Variants in RSPH14 observed in about 807,000 individuals in gnomAD.
The protein encoded by RSPH14 is radial spoke head 14 homolog, also known as rhabdoid tumor deletion region gene 1.
Under a neutral mutation model 26.7 loss-of-function variants are expected in RSPH14, and 20 were observed. The observed-to-expected ratio is 0.75, with a 90% CI of 0.53 to 1.09. The LOEUF is 1.09. Ranked by LOEUF, RSPH14 falls within the 50% of genes least tolerant of loss-of-function variation. The pLI is 0.00. For missense variants in RSPH14, 449 were observed against 457.2 expected (o/e 0.98, Z 0.16); for synonymous variants, 177 against 189.3 (o/e 0.93, Z 0.53).
At chr22:23,146,635 C>T, upstream of RSPH14, 2 of 1,614,118 alleles carry the variant, frequency 1.2e-6, no homozygotes, top group East Asian at 2.2e-5. Flanking sequence ...CTCCCTGACA[C>T]CTTTGGGGCC....
chr22:23,115,920 C>G (rs578103233), intron 4 of RSPH14, among the ~76,000 whole-genome samples: 19 of 152,366 alleles, frequency 1.2e-4, no homozygotes, highest in Admixed American at 9.1e-4. Flanking sequence ...CCCCCTACCC[C>G]CTGGGCCCTG....
chr22:23,125,587 G>A (rs773315692), intron 4 of RSPH14, among the ~76,000 whole-genome samples: 5 of 152,166 alleles, frequency 3.3e-5, no homozygotes, highest in Admixed American at 2.6e-4. Context: ...TGCATTCACC[G>A]AGGGCCTGCT....
chr22:23,124,522 T>C, intron 4 of RSPH14: 2 of 329,564 alleles, frequency 6.1e-6, no homozygotes, highest in South Asian at 4.5e-5. Flanking sequence ...TTTAAGAAAA[T>C]AAACACGACA....
At chr22:23,148,293 G>C (rs548488281), upstream of RSPH14, among the ~76,000 whole-genome samples, 3 of 152,332 alleles carry the variant, frequency 2.0e-5, no homozygotes, top group African/African-American at 7.2e-5. Context: ...TCTCTGCAGA[G>C]CTTGACAGTG....
At chr22:23,062,072 G>T in intron 5 of RSPH14, 127 bp from the exon 6 acceptor site, 2 of 1,155,186 alleles carry the variant, frequency 1.7e-6, no homozygotes, top group Non-Finnish European at 2.5e-6. Flanking sequence ...TCCCAGGACT[G>T]GTCCCCATGA....
In RSPH14 at chr22:23,071,475, C is replaced by A. The variant is rs1192330220; in HGVS notation, c.422-7342G>T. On this transcript the variant is annotated intron_variant, in intron 4 of 6. Transcript: ENST00000216036. This position sits in a 1 kb window ranked among gnomAD's most constrained non-coding sequence, Gnocchi z 4.1. Reference sequence around the variant, plus strand: ...CTTGCTTGGGGAGACAGCTGAGCCCCTGACCGGCTCCTTTCTGCCCAAGTG... The same window carrying A: ...CTTGCTTGGGGAGACAGCTGAGCCCATGACCGGCTCCTTTCTGCCCAAGTG... Among the ~76,000 whole-genome samples, 2 of 152,226 alleles carry A rather than the reference C, an allele frequency of 1.3e-5. No individual in the cohort carries two copies. The highest frequency in any genetic ancestry group is 1.3e-4 in the Admixed American group (2 of 15,288).
At chr22:23,081,149 T>C (rs939758403) in intron 4 of RSPH14, among the ~76,000 whole-genome samples, 1 of 152,204 alleles carries the variant, frequency 6.6e-6, no homozygotes, top group African/African-American at 2.4e-5. Context: ...AGGTTTGGTG[T>C]GGGCAAGCCA....
intron 4 of RSPH14, chr22:23,096,370 T>C (rs1188496901): frequency 1.3e-5 from 21 of 1,613,124 alleles, no homozygotes; most frequent in Non-Finnish European, 1.7e-5. Context: ...TCATCTTCTG[T>C]GTGGAGCTCA....
chr22:23,146,968 G>A (rs899234719), upstream of RSPH14, among the ~76,000 whole-genome samples: 5 of 152,198 alleles, frequency 3.3e-5, no homozygotes, highest in African/African-American at 1.2e-4. Flanking sequence ...TCATTAAGCT[G>A]TGTGGCTGTG....
intron 4 of RSPH14, among the ~76,000 whole-genome samples, chr22:23,069,617 C>T (rs1335990530): frequency 6.6e-6 from 1 of 152,194 alleles, no homozygotes; most frequent in Non-Finnish European, 1.5e-5. Context: ...GGGCCAGCTC[C>T]TCGGTCCTTC....
chr22:23,141,479 T>C (rs2070600356), intron 1 of RSPH14, among the ~76,000 whole-genome samples: 1 of 152,214 alleles, frequency 6.6e-6, no homozygotes, highest in Non-Finnish European at 1.5e-5. Context: ...TATCTGTGTC[T>C]TTCTGCAGCT....
chr22:23,097,596 GCGGCTGCGTCCA>G (rs982366099), intron 4 of RSPH14, among the ~76,000 whole-genome samples: 1 of 152,240 alleles, frequency 6.6e-6, no homozygotes, highest in East Asian at 1.9e-4. Context: ...GTGTACGCAG[GCGGCTGCGTCCA>G]CCCTGTTCCC....
chr22:23,062,706 C>T (rs2068121003), intron 5 of RSPH14, among the ~76,000 whole-genome samples: 1 of 152,214 alleles, frequency 6.6e-6, no homozygotes, highest in African/African-American at 2.4e-5. Flanking sequence ...CACTGGGAGC[C>T]TTTCAGGGCA....
chr22:23,065,292 G>A (rs901249090), intron 4 of RSPH14, among the ~76,000 whole-genome samples: 6 of 152,022 alleles, frequency 3.9e-5, no homozygotes, highest in Non-Finnish European at 7.4e-5. Context: ...GGCGGAGCAG[G>A]GTGCTGAGTG....
chr22:23,161,854 A>G, the RSPH14 span: 3 of 425,762 alleles, frequency 7.0e-6, no homozygotes, highest in Non-Finnish European at 1.3e-5. Context: ...TTGCAGGGTC[A>G]TCAGACAGTC....
intron 4 of RSPH14, among the ~76,000 whole-genome samples, chr22:23,103,283 C>T (rs2069356097): frequency 6.6e-6 from 1 of 152,206 alleles, no homozygotes; most frequent in African/African-American, 2.4e-5. Context: ...AGTTCTACTC[C>T]TCCCCAGCCC....
At chr22:23,123,337 C>T in intron 4 of RSPH14, 3 of 1,614,066 alleles carry the variant, frequency 1.9e-6, no homozygotes, top group Non-Finnish European at 2.5e-6. Flanking sequence ...TCCCACTTCA[C>T]CTGCGCCACC....
At chr22:23,153,792 G>A in the RSPH14 span, among the ~76,000 whole-genome samples, 4 of 146,826 alleles carry the variant, frequency 2.7e-5, no homozygotes, top group East Asian at 2.1e-4. Flanking sequence ...CACTTCAAGC[G>A]AATCACCTGC....
At chr22:23,152,640 C>A in the RSPH14 span, 1 of 1,044,984 alleles carries the variant, frequency 9.6e-7, no homozygotes, top group Non-Finnish European at 1.5e-6. Flanking sequence ...CTTCCAGGAA[C>A]TGCTGTGCCT....
Sources: gnomAD v4.1 joint callset for allele counts (sites outside exome capture counted in the v4.1 genomes callset) on GRCh38, gnomAD v4.1.1 for gene constraint, Gnocchi (gnomAD v3.1) non-coding constraint, MANE v1.5 for transcripts, NCBI Gene and HGNC (gene_info 2026-07-23, HGNC 2026-07-21) for gene names.